The following ITSN2 variants were observed in gnomAD, a reference collection of about 807,000 sequenced individuals.
ITSN2 encodes the protein intersectin 2.
ITSN2 carries 156 observed loss-of-function variants against 243.7 expected under a neutral mutation model. That is an observed-to-expected ratio of 0.64 (90% CI 0.56 to 0.73). ITSN2 has a LOEUF of 0.73. Ranked by LOEUF, ITSN2 falls within the 30% of genes least tolerant of loss-of-function variation. The probability of loss-of-function intolerance (pLI) is 0.00; values close to 1 mark genes in which losing one functional copy is unlikely to be tolerated. For synonymous variants in ITSN2, 703 were observed against 699.9 expected (o/e 1.00, Z -0.07); for missense variants, 1,801 against 1,996.1 (o/e 0.90, Z 1.86).
At chr2:24,300,248 T>C in intron 11 of ITSN2, 77 bp from the exon 12 acceptor site, 2 of 1,401,018 alleles carry the variant, frequency 1.4e-6, no homozygotes, top group Non-Finnish European at 2.0e-6. Context: ...TATATACTTA[T>C]GCCTTGTGAT....
At chr2:24,286,132 T>C (rs1197882848) in intron 16 of ITSN2, 80 bp downstream of exon 16, 7 of 753,432 alleles carry the variant, frequency 9.3e-6, no homozygotes, top group East Asian at 5.4e-5. Context: ...ATAATAGCTT[T>C]AGCTATTTAT....
chr2:24,242,379 C>T (rs1364787108), intron 29 of ITSN2, among the ~76,000 whole-genome samples: 1 of 151,680 alleles, frequency 6.6e-6, no homozygotes, highest in Non-Finnish European at 1.5e-5. Context: ...CTTAAAAGGG[C>T]CAAAGAAACA....
At chr2:24,266,114 C>A (rs1676630269) in intron 20 of ITSN2, among the ~76,000 whole-genome samples, 1 of 152,220 alleles carries the variant, frequency 6.6e-6, no homozygotes, top group African/African-American at 2.4e-5. Flanking sequence ...AGGCCTTCCT[C>A]CATCCTATCC....
At chr2:24,260,834 C>A (rs1457253246) in intron 22 of ITSN2, among the ~76,000 whole-genome samples, 1 of 145,576 alleles carries the variant, frequency 6.9e-6, no homozygotes. Flanking sequence ...AACCAGGGAG[C>A]CGGAGGTTGC....
intron 1 of ITSN2, among the ~76,000 whole-genome samples, chr2:24,348,190 A>AT (rs67272042): frequency 1.6e-4 from 16 of 97,770 alleles, no homozygotes; most frequent in South Asian, 1.1e-3. Flanking sequence ...AAATACTATG[A>AT]TTTTTTTTTT....
chr2:24,293,691 G>C lies in ITSN2; in HGVS notation c.1720C>G (p.Pro574Ala), dbSNP rs769682850. ...CAGACAAACCTTAGAGACTTACCAG[G>C]TGTGTTACTGAACTGCATGTTTTTA... ...RIKNMQFSNT[P>A]DSGVSLLHKK... Residue 574 changes from proline (P) to alanine (A), a missense_variant, in exon 15 of 40, where the codon CCT becomes GCT. By Grantham distance (27) the Pro-to-Ala change is conservative. Transcript: ENST00000355123. The C allele has an allele frequency of 4.7e-6, 5 of 1,065,254 alleles. No individual in the cohort carries two copies. The highest frequency in any genetic ancestry group is 5.0e-5 in the Admixed American group (2 of 40,268). The allele number at this position is 1,065,254 out of a possible 1,614,324, so 66.0% of individuals were successfully genotyped here.
intron 29 of ITSN2, among the ~76,000 whole-genome samples, chr2:24,236,120 G>GGATA (rs60449365): frequency 0.98 from 148,897 of 152,256 alleles, 72,803 homozygotes; most frequent in East Asian, 0.99. Context: ...AATAATGAAT[G>GGATA]AACAAAACGT....
chr2:24,272,566 G>GCAC (rs1677503402), intron 18 of ITSN2, among the ~76,000 whole-genome samples: 1 of 151,700 alleles, frequency 6.6e-6, no homozygotes, highest in African/African-American at 2.4e-5. Flanking sequence ...AAAGTAGCTA[G>GCAC]CACTACAGGC....
chr2:24,254,552 T>C, intron 23 of ITSN2, 121 bp from the exon 24 acceptor site: 2 of 689,206 alleles, frequency 2.9e-6, no homozygotes, highest in Non-Finnish European at 2.6e-6. Flanking sequence ...AAATTAAATA[T>C]AGTCTTAGTA....
At chr2:24,230,197 C>T (rs1351105407) in intron 29 of ITSN2, among the ~76,000 whole-genome samples, 2 of 152,220 alleles carry the variant, frequency 1.3e-5, no homozygotes, top group African/African-American at 2.4e-5. Flanking sequence ...TAATTTTCCA[C>T]CTCAGTGGAT....
At chr2:24,246,023 T>C (rs1189630065) in intron 29 of ITSN2, 106 bp downstream of exon 29, 2 of 689,642 alleles carry the variant, frequency 2.9e-6, no homozygotes, top group Admixed American at 3.0e-5. Context: ...AATCTACATT[T>C]GCTGTGAGTG....
chr2:24,269,077 T>C (rs935046157), intron 20 of ITSN2, among the ~76,000 whole-genome samples: 4 of 151,310 alleles, frequency 2.6e-5, no homozygotes, highest in African/African-American at 4.9e-5. Context: ...TTTTTCCTAC[T>C]ACTAGTCACT....
At chr2:24,246,103 G>C in intron 29 of ITSN2, 26 bp downstream of exon 29, 1 of 1,537,726 alleles carries the variant, frequency 6.5e-7, no homozygotes, top group Non-Finnish European at 8.9e-7. Context: ...CACTAGGTGA[G>C]AGAAAAATAA....
At chr2:24,237,366 C>CCT (rs3036190) in intron 29 of ITSN2, among the ~76,000 whole-genome samples, 3 of 152,036 alleles carry the variant, frequency 2.0e-5, no homozygotes, top group African/African-American at 4.8e-5. Context: ...TCTCATATAA[C>CCT]CTGTTTCCCA....
intron 1 of ITSN2, among the ~76,000 whole-genome samples, chr2:24,349,811 T>C (rs1223393609): frequency 6.6e-6 from 1 of 152,158 alleles, no homozygotes; most frequent in African/African-American, 2.4e-5. Flanking sequence ...ATGTAACAAG[T>C]ACACAAGAGC....
intron 1 of ITSN2, chr2:24,330,717 G>T: frequency 1.6e-6 from 1 of 609,476 alleles, no homozygotes; most frequent in Non-Finnish European, 3.0e-6. Flanking sequence ...GGTGACAGTA[G>T]TTTGAAATAC....
intron 24 of ITSN2, among the ~76,000 whole-genome samples, 179 bp from the exon 25 acceptor site, chr2:24,252,690 T>C (rs1674503289): frequency 6.6e-6 from 1 of 152,160 alleles, no homozygotes. Context: ...TATTTAATAA[T>C]TCCTTAGAAA....
intron 18 of ITSN2, among the ~76,000 whole-genome samples, chr2:24,274,622 G>A (rs1048963555): frequency 8.5e-5 from 13 of 152,050 alleles, no homozygotes; most frequent in African/African-American, 2.9e-4. Flanking sequence ...ATAGTTATTC[G>A]TTTAACTGTC....
At chr2:24,223,698 A>AG (rs1240343189) in intron 29 of ITSN2, among the ~76,000 whole-genome samples, 1 of 149,522 alleles carries the variant, frequency 6.7e-6, no homozygotes, top group East Asian at 2.0e-4. Context: ...AAAAAAAAAA[A>AG]AGGAAAAGAA....
Sources: allele counts gnomAD v4.1 joint callset (sites outside exome capture counted in the v4.1 genomes callset), GRCh38; gene constraint gnomAD v4.1.1; transcripts MANE v1.5; gene names NCBI Gene and HGNC (gene_info 2026-07-23, HGNC 2026-07-21).